Variants in MALRD1 observed in about 807,000 individuals in gnomAD.
MALRD1 encodes MAM and LDL receptor class A domain containing 1, also known as MAM and LDL-receptor class A domain-containing protein 1.
MALRD1 carries 247 observed loss-of-function variants against 242.1 expected under a neutral mutation model. The ratio of observed to expected loss-of-function variants is 1.02; its 90% CI spans 0.92 to 1.13. The LOEUF is 1.13. Among genes scored for constraint, MALRD1 ranks in the 50% most tolerant of loss-of-function variants. The probability of loss-of-function intolerance (pLI) is 0.00; values close to 1 mark genes in which losing one functional copy is unlikely to be tolerated. For synonymous variants in MALRD1, 995 were observed against 866.6 expected (o/e 1.15, Z -2.60); for missense variants, 2,989 against 2,533.1 (o/e 1.18, Z -3.86).
At chr10:19,603,044 T>G (rs1299179959) in intron 34 of MALRD1, among the ~76,000 whole-genome samples, 1 of 151,716 alleles carries the variant, frequency 6.6e-6, no homozygotes, top group African/African-American at 2.4e-5. Context: ...GATGGGGTTG[T>G]TTTTTTTCTT....
chr10:19,419,565 T>G (rs553333348), intron 28 of MALRD1, among the ~76,000 whole-genome samples: 1 of 152,208 alleles, frequency 6.6e-6, no homozygotes, highest in African/African-American at 2.4e-5. Context: ...GGTAGTCTGC[T>G]GGCCTCTGCC....
chr10:19,679,702 T>G (rs982036615), intron 36 of MALRD1, among the ~76,000 whole-genome samples: 8 of 151,690 alleles, frequency 5.3e-5, no homozygotes, highest in Non-Finnish European at 1.2e-4. Context: ...TAGCTTTGGG[T>G]TTTTTTTCCT....
chr10:19,351,136 A>G (rs138398415), intron 25 of MALRD1, among the ~76,000 whole-genome samples: 29 of 152,300 alleles, frequency 1.9e-4, no homozygotes, highest in African/African-American at 7.0e-4. Context: ...CTTGTAGAGT[A>G]TGATATATGT....
intron 28 of MALRD1, among the ~76,000 whole-genome samples, chr10:19,410,945 A>AT (rs1296470926): frequency 1.3e-5 from 2 of 151,960 alleles, no homozygotes; most frequent in East Asian, 1.9e-4. Flanking sequence ...GACCATGTGG[A>AT]TTTTTTCCAT....
chr10:19,465,722 C>T (rs1463636144), intron 29 of MALRD1, among the ~76,000 whole-genome samples: 1 of 152,052 alleles, frequency 6.6e-6, no homozygotes, highest in East Asian at 1.9e-4. Flanking sequence ...TTAATACAGA[C>T]AGGATTTAGC....
intron 29 of MALRD1, among the ~76,000 whole-genome samples, chr10:19,456,630 G>A (rs535458061): frequency 3.9e-5 from 6 of 152,096 alleles, no homozygotes; most frequent in South Asian, 2.1e-4. Context: ...TGAGTGCTCC[G>A]AGTGTTGCAT....
At chr10:19,285,379 GT>G (rs1841057253) in intron 21 of MALRD1, among the ~76,000 whole-genome samples, 1 of 145,462 alleles carries the variant, frequency 6.9e-6, no homozygotes, top group African/African-American at 2.6e-5. Context: ...GGTTTTTATG[GT>G]TTTAGGTCTA....
At chr10:19,624,042 AAC>A (rs1839528815) in intron 36 of MALRD1, among the ~76,000 whole-genome samples, 1 of 152,060 alleles carries the variant, frequency 6.6e-6, no homozygotes, top group South Asian at 2.1e-4. Context: ...GATATGAAGA[AAC>A]ACACACTTTG....
intron 36 of MALRD1, among the ~76,000 whole-genome samples, chr10:19,663,161 C>T (rs1326975): frequency 0.097 from 14,728 of 152,062 alleles, 1,828 homozygotes; most frequent in African/African-American, 0.29. Context: ...AATTTTCCAT[C>T]CCTCACCCCT....
intron 19 of MALRD1, among the ~76,000 whole-genome samples, chr10:19,276,896 G>A (rs950753620): frequency 6.6e-6 from 1 of 150,812 alleles, no homozygotes; most frequent in Non-Finnish European, 1.5e-5. Context: ...ATTTTATTTT[G>A]ATTGTTTAAT....
chr10:19,171,681 CAT>C (rs1453637764), intron 13 of MALRD1, among the ~76,000 whole-genome samples: 3 of 138,160 alleles, frequency 2.2e-5, no homozygotes, highest in African/African-American at 5.3e-5. Context: ...TAAATACACA[CAT>C]ATATGTGTGT....
At chr10:19,582,357 T>C (rs1055517304) in intron 33 of MALRD1, among the ~76,000 whole-genome samples, 48 of 149,296 alleles carry the variant, frequency 3.2e-4, no homozygotes, top group African/African-American at 1.1e-3. Flanking sequence ...TGGTTTTAGG[T>C]CTAACGTTTA....
rs1392799396 is a variant in MALRD1, at chr10:19,048,965, G to T, written c.27G>T (p.Leu9Phe). Residue 9 changes from leucine (L) to phenylalanine (F), a missense_variant, in exon 1 of 40, where the codon TTG becomes TTT. Physicochemically the swap from Leu to Phe is conservative, Grantham distance 22 (BLOSUM62 0). Transcript: ENST00000454679. Reference protein sequence around the residue: MLFFLDRMLAFPMNETFCC... With the variant: MLFFLDRMFAFPMNETFCC... ...TGCTCTTCTTCCTGGACAGAATGTT[G>T]GCATTCCCCATGAATGAAACTTTTT... 11 of 1,233,710 alleles carry T rather than the reference G, an allele frequency of 8.9e-6. No homozygotes were observed. The highest frequency in any genetic ancestry group is 1.1e-5 in the Non-Finnish European group (11 of 988,128). 76.4% of individuals were successfully genotyped at this position (1,233,710 alleles called of 1,614,324 possible). A position where few individuals can be genotyped will look rare whatever the true frequency, so the allele number is the denominator to read the frequency against.
intron 29 of MALRD1, among the ~76,000 whole-genome samples, chr10:19,456,015 C>T (rs978930813): frequency 6.6e-6 from 1 of 152,108 alleles, no homozygotes. Flanking sequence ...AGGGTAGAAT[C>T]CAATAATGGT....
rs1433813356 is a variant in MALRD1 at position 19,624,673 on chromosome 10, C to G, written c.6137+8750C>G. Among the ~76,000 whole-genome samples, 3 of 151,958 alleles carry G rather than the reference C, an allele frequency of 2.0e-5. No homozygotes were observed. In the East Asian group the frequency reaches 5.9e-4, roughly 30 times the overall value. On this transcript the variant is annotated intron_variant, in intron 36 of 39. Transcript: ENST00000454679. The stretch of plus-strand genomic sequence containing the variant: ...TTGAGATCAGGAGTTCAAGACCAGC[C>G]TGGCCAACATAGTGAAACCCCATCT...
chr10:19,140,161 C>G (rs1833489038), intron 10 of MALRD1, among the ~76,000 whole-genome samples: 2 of 152,040 alleles, frequency 1.3e-5, no homozygotes, highest in Non-Finnish European at 2.9e-5. Flanking sequence ...CCATACATAG[C>G]TTTCTTTCTT....
chr10:19,480,150 C>T (rs117755571), intron 29 of MALRD1, among the ~76,000 whole-genome samples: 2,387 of 152,242 alleles, frequency 0.016, 28 homozygotes, highest in Non-Finnish European at 0.026. Context: ...GGATGCTTAT[C>T]GTGAGATTGC....
chr10:19,391,202 A>G (rs149501252), intron 28 of MALRD1, among the ~76,000 whole-genome samples: 40 of 152,286 alleles, frequency 2.6e-4, no homozygotes, highest in African/African-American at 9.6e-4. Flanking sequence ...ACAGCATTTT[A>G]AAAAGCCTGT....
At chr10:19,142,858 A>G (rs1833600382) in intron 10 of MALRD1, among the ~76,000 whole-genome samples, 1 of 152,218 alleles carries the variant, frequency 6.6e-6, no homozygotes, top group African/African-American at 2.4e-5. Context: ...TTTGAATTAC[A>G]CAGGGGAGAT....
Sources: allele counts gnomAD v4.1 joint callset (sites outside exome capture counted in the v4.1 genomes callset), GRCh38; gene constraint gnomAD v4.1.1; transcripts MANE v1.5; gene names NCBI Gene and HGNC (gene_info 2026-07-23, HGNC 2026-07-21).